ANGPT2: variants seen among roughly 807,000 people sequenced by gnomAD.
The protein encoded by ANGPT2 is angiopoietin-2.
In ANGPT2, 28 loss-of-function variants were observed where a neutral mutation model predicts 62.9. The observed-to-expected ratio is 0.44, with a 90% CI of 0.33 to 0.61. ANGPT2 has a LOEUF of 0.61. Ranked by LOEUF, ANGPT2 falls within the 20% of genes least tolerant of loss-of-function variation. The pLI, the probability that ANGPT2 is intolerant of heterozygous loss-of-function variation, is 0.03. For synonymous variants in ANGPT2, 284 were observed against 207.8 expected (o/e 1.37, Z -3.15); for missense variants, 727 against 594.9 (o/e 1.22, Z -2.31).
At chr8:6,503,403 G>A (rs1812593654) in intron 8 of ANGPT2, 142 bp from the exon 9 acceptor site, 1 of 777,770 alleles carries the variant, frequency 1.3e-6, no homozygotes, top group Non-Finnish European at 2.1e-6. Flanking sequence ...TATAGGATGT[G>A]CACTGGCAGA....
At chr8:6,547,567 G>A (rs558450366) in intron 1 of ANGPT2, among the ~76,000 whole-genome samples, 3 of 152,310 alleles carry the variant, frequency 2.0e-5, no homozygotes, top group African/African-American at 7.2e-5. Flanking sequence ...CAGAGTCACA[G>A]TAGCACTTTG....
chr8:6,538,841 A>G (rs913304833), intron 1 of ANGPT2, among the ~76,000 whole-genome samples: 1 of 152,256 alleles, frequency 6.6e-6, no homozygotes, highest in African/African-American at 2.4e-5. Context: ...CAAGCAAAAC[A>G]TCCACTCTTA....
chr8:6,555,502 C>A (rs1441613705), intron 1 of ANGPT2, among the ~76,000 whole-genome samples: 3 of 149,758 alleles, frequency 2.0e-5, no homozygotes, highest in African/African-American at 7.5e-5. Flanking sequence ...CACTGCGTAG[C>A]CCAGGCTGGA....
intron 7 of ANGPT2, among the ~76,000 whole-genome samples, chr8:6,512,945 C>G (rs1271737853): frequency 6.6e-6 from 1 of 152,194 alleles, no homozygotes; most frequent in African/African-American, 2.4e-5. Context: ...AGATTGAAGA[C>G]AATTGAATGT....
chr8:6,513,270 G>C (rs1260824723), intron 7 of ANGPT2, among the ~76,000 whole-genome samples: 1 of 151,392 alleles, frequency 6.6e-6, no homozygotes, highest in African/African-American at 2.4e-5. Context: ...TTAAATCATT[G>C]TGTTTCTCAT....
intron 1 of ANGPT2, among the ~76,000 whole-genome samples, chr8:6,552,971 A>G (rs148180726): frequency 5.9e-5 from 9 of 152,338 alleles, no homozygotes; most frequent in African/African-American, 2.2e-4. Context: ...AGGGCTGTGC[A>G]GGTAGAGCAC....
At chr8:6,506,542 C>A (rs1813768097) in intron 8 of ANGPT2, among the ~76,000 whole-genome samples, 1 of 152,172 alleles carries the variant, frequency 6.6e-6, no homozygotes, top group Admixed American at 6.5e-5. Context: ...AGAGCTGGGT[C>A]CAGCATGTGG....
chr8:6,517,810 C>T (rs762561204), intron 5 of ANGPT2, among the ~76,000 whole-genome samples: 25 of 152,172 alleles, frequency 1.6e-4, no homozygotes, highest in Non-Finnish European at 2.6e-4. Context: ...ACATCCAAGT[C>T]TGTCTATCTC....
intron 1 of ANGPT2, among the ~76,000 whole-genome samples, chr8:6,557,156 C>T (rs1478030672): frequency 6.6e-6 from 1 of 152,154 alleles, no homozygotes. Flanking sequence ...TTCCCAGCCC[C>T]ACGGAAAATT....
intron 1 of ANGPT2, among the ~76,000 whole-genome samples, chr8:6,545,419 CT>C (rs1822404178): frequency 6.6e-6 from 1 of 152,172 alleles, no homozygotes; most frequent in Admixed American, 6.5e-5. Context: ...TGTTGTGACA[CT>C]ATGACCCTAG....
chr8:6,549,041 G>A (rs771121247), intron 1 of ANGPT2, among the ~76,000 whole-genome samples: 14 of 152,196 alleles, frequency 9.2e-5, no homozygotes, highest in African/African-American at 2.7e-4. Flanking sequence ...ACCACTCAGC[G>A]TATTTTCTGC....
chr8:6,518,261 G>T (rs1481201276), intron 5 of ANGPT2, among the ~76,000 whole-genome samples: 1 of 152,178 alleles, frequency 6.6e-6, no homozygotes, highest in Non-Finnish European at 1.5e-5. Context: ...CCCAGGCCAA[G>T]AACACGCCAA....
In ANGPT2 at chr8:6,513,795, G is replaced by A. The variant is rs370206079; in HGVS notation, c.1079C>T (p.Ser360Leu). 7.4e-6 allele frequency: 12 copies of A among 1,613,716 alleles called. No homozygotes were observed. Among genetic ancestry groups the A allele is most frequent in the South Asian group, 2.2e-5 (2 of 90,956 alleles). The change falls in exon 7 of 9, where the codon TCG becomes TTG. Residue 360 changes from serine to leucine, a missense_variant. Transcript: ENST00000629816. Reference protein sequence around the residue: ...GEYWLGNEFVSQLTNQQRYVL... With the variant: ...GEYWLGNEFVLQLTNQQRYVL... ...ATAGCGTTGCTGATTAGTCAGTTGC[G>A]AAACAAACTCATTTCCCAGCCAATA... is the stretch of plus-strand genomic sequence containing the variant.
intron 5 of ANGPT2, among the ~76,000 whole-genome samples, chr8:6,516,003 C>A (rs1816198737): frequency 6.6e-6 from 1 of 152,214 alleles, no homozygotes; most frequent in African/African-American, 2.4e-5. Flanking sequence ...GTCCCTGGAA[C>A]AGCCTGGTCT....
At chr8:6,541,819 C>A (rs1821629874) in intron 1 of ANGPT2, among the ~76,000 whole-genome samples, 1 of 152,084 alleles carries the variant, frequency 6.6e-6, no homozygotes, top group Non-Finnish European at 1.5e-5. Flanking sequence ...GCCTAGGCAA[C>A]ATGGCGAGAC....
intron 1 of ANGPT2, among the ~76,000 whole-genome samples, chr8:6,546,655 C>G (rs1822627785): frequency 6.6e-6 from 1 of 152,014 alleles, no homozygotes; most frequent in South Asian, 2.1e-4. Context: ...AACTGTTGGC[C>G]TAGAGATAAA....
intron 1 of ANGPT2, among the ~76,000 whole-genome samples, chr8:6,549,592 C>T (rs904678686): frequency 6.6e-6 from 1 of 151,928 alleles, no homozygotes; most frequent in South Asian, 2.1e-4. Flanking sequence ...GGGAAGCCTT[C>T]TGCATCTTGA....
At chr8:6,552,334 G>T (rs1166968985) in intron 1 of ANGPT2, among the ~76,000 whole-genome samples, 1 of 152,180 alleles carries the variant, frequency 6.6e-6, no homozygotes, top group Non-Finnish European at 1.5e-5. Flanking sequence ...GCAGTGTGTT[G>T]CCCAATGACA....
At chr8:6,515,766 T>TC (rs1392207490) in intron 5 of ANGPT2, among the ~76,000 whole-genome samples, 4 of 152,188 alleles carry the variant, frequency 2.6e-5, no homozygotes, top group African/African-American at 9.7e-5. Flanking sequence ...TAAATATTCT[T>TC]CTTGTGTTGT....
Sources: gnomAD v4.1 joint callset for allele counts (sites outside exome capture counted in the v4.1 genomes callset) on GRCh38, gnomAD v4.1.1 for gene constraint, MANE v1.5 for transcripts, NCBI Gene and HGNC (gene_info 2026-07-23, HGNC 2026-07-21) for gene names.